C2CD5: variants seen among roughly 807,000 people sequenced by gnomAD.
C2CD5 encodes the protein C2 calcium dependent domain containing 5.
In C2CD5, 109 loss-of-function variants were observed where a neutral mutation model predicts 130.3. The observed-to-expected ratio is 0.84, with a 90% CI of 0.72 to 0.98. The LOEUF (loss-of-function observed/expected upper bound fraction) is 0.98, where lower values mean the gene tolerates loss of function less well. C2CD5 is among the 50% of genes least tolerant of loss of function. The pLI, the probability that C2CD5 is intolerant of heterozygous loss-of-function variation, is 0.00. For missense variants in C2CD5, 996 were observed against 1,261.8 expected, an observed-to-expected ratio of 0.79 and a Z score of 3.19; for synonymous variants, 454 against 429.2, an observed-to-expected ratio of 1.06 and a Z score of -0.71.
At chr12:22,486,038 G>C (rs961872411) in intron 12 of C2CD5, among the ~76,000 whole-genome samples, 2 of 151,952 alleles carry the variant, frequency 1.3e-5, no homozygotes, top group Non-Finnish European at 2.9e-5. Context: ...TTATACTTAA[G>C]TCCTGTTAAG....
chr12:22,524,735 T>C, intron 5 of C2CD5, 108 bp from the exon 6 acceptor site: 1 of 666,330 alleles, frequency 1.5e-6, no homozygotes. Flanking sequence ...CAAGAACATC[T>C]TTTACTGTAA....
At chr12:22,478,114 A>C in intron 15 of C2CD5, 199 bp downstream of exon 15, 2 of 548,306 alleles carry the variant, frequency 3.6e-6, no homozygotes, top group Non-Finnish European at 6.5e-6. Flanking sequence ...AAATGAAGTC[A>C]CAATTTTTAA....
chr12:22,543,096 A>C, intron 2 of C2CD5, among the ~76,000 whole-genome samples: 1 of 152,234 alleles, frequency 6.6e-6, no homozygotes, highest in East Asian at 1.9e-4. Flanking sequence ...TCGGTTAGAG[A>C]ACATTTAGGA....
intron 7 of C2CD5, among the ~76,000 whole-genome samples, chr12:22,521,716 T>C (rs1456390331): frequency 6.6e-6 from 1 of 152,238 alleles, no homozygotes; most frequent in Non-Finnish European, 1.5e-5. Flanking sequence ...TTATTTCATT[T>C]GCCAATGTGT....
At chr12:22,477,558 A>G (rs933468346) in intron 15 of C2CD5, among the ~76,000 whole-genome samples, 3 of 152,106 alleles carry the variant, frequency 2.0e-5, no homozygotes, top group Admixed American at 2.0e-4. Flanking sequence ...CATGTGCACA[A>G]TGTGCAGGTT....
intron 6 of C2CD5, 73 bp from the exon 7 acceptor site, chr12:22,523,697 G>T: frequency 5.2e-6 from 5 of 957,132 alleles, no homozygotes; most frequent in East Asian, 2.7e-5. Flanking sequence ...ACATGGTAGT[G>T]GTAAAAAAAA....
At chr12:22,490,400 T>C (rs989137537) in intron 11 of C2CD5, among the ~76,000 whole-genome samples, 182 bp from the exon 12 acceptor site, 3 of 152,144 alleles carry the variant, frequency 2.0e-5, no homozygotes, top group African/African-American at 7.2e-5. Flanking sequence ...GTAACTTTAT[T>C]TGAATGGAGG....
chr12:22,449,783 T>G lies in C2CD5; in HGVS notation c.3133A>C (p.Thr1045Pro), dbSNP rs1390454146. ...CCTCAGGTTGTAACTTCGCCTTCAG[T>G]ACATGATGACTGGCAGTTGGTAGTA... ...QPTTNCQSSC[T>P]EGEVTT The change falls in exon 27 of 27, where the codon ACT (threonine) becomes CCT (proline). Residue 1045 changes from threonine to proline, a missense_variant. This residue lies in a region of C2CD5 where 48 missense variants were observed against 46.4 expected (regional missense o/e 1.03). Transcript: ENST00000446597. 6.2e-7 allele frequency: 1 copy of G among 1,606,336 alleles called. No homozygotes were observed. The highest frequency in any genetic ancestry group is 8.5e-7 in the Non-Finnish European group (1 of 1,174,322).
chr12:22,536,575 T>C (rs959960552), intron 2 of C2CD5, among the ~76,000 whole-genome samples: 9 of 152,230 alleles, frequency 5.9e-5, no homozygotes, highest in South Asian at 4.2e-4. Flanking sequence ...CTAGAAGATA[T>C]TACACAATAA....
rs372211694 is a variant in C2CD5, at chr12:22,457,069, T to C, written c.2779A>G (p.Lys927Glu). 3.0e-5 allele frequency: 49 copies of C among 1,612,474 alleles called. No homozygotes were observed. Among genetic ancestry groups the C allele is most frequent in the Non-Finnish European group, 3.9e-5 (46 of 1,178,960 alleles). ...GGAATAAAAGAAAGAGGTGTCATCT[T>C]AACAACCCCAACTGTGGAATTTGCA... The part of the protein sequence containing the change: ...PCANSTVGVV[K>E]MTPLSFIPGA... The change falls in exon 25 of 27, where the codon AAG becomes GAG. Residue 927 changes from lysine (K) to glutamate (E), a missense_variant. Lys to Glu is a moderately conservative substitution (Grantham distance 56). This residue lies in a region of C2CD5 where 590 missense variants were observed against 631.4 expected (regional missense o/e 0.93). Coordinates refer to ENST00000446597, the MANE Select transcript of C2CD5 (RefSeq NM_001286176.2).
intron 2 of C2CD5, among the ~76,000 whole-genome samples, chr12:22,536,786 C>T (rs888688762): frequency 3.3e-5 from 5 of 151,854 alleles, no homozygotes; most frequent in Admixed American, 1.3e-4. Flanking sequence ...AAGGGGTTTT[C>T]GAGTTATATT....
chr12:22,526,484 ATCCC>A (rs1950728035), intron 4 of C2CD5, among the ~76,000 whole-genome samples: 1 of 152,246 alleles, frequency 6.6e-6, no homozygotes, highest in African/African-American at 2.4e-5. Flanking sequence ...GATCTTTATG[ATCCC>A]AGATTATATA....
intron 15 of C2CD5, 121 bp from the exon 16 acceptor site, chr12:22,475,012 G>T: frequency 1.7e-6 from 1 of 571,530 alleles, no homozygotes; most frequent in Non-Finnish European, 2.8e-6. Context: ...ACTCAGTGAA[G>T]TCCGTACTTA....
chr12:22,460,527 A>C (rs977203289), intron 22 of C2CD5: 12 of 152,144 alleles, frequency 7.9e-5, no homozygotes, highest in Non-Finnish European at 1.6e-4. Flanking sequence ...CTACCATAGA[A>C]TGTTGCTGCT....
rs1419354109 is a variant in C2CD5, at chr12:22,482,317, TAAGC to T, written c.1737+236_1737+239del. On this transcript the variant is annotated intron_variant, in intron 14 of 26. Transcript: ENST00000446597. ...TCCAGAAAAACTGTGGCCAACTTAT[TAAGC>T]AAGCGACAAATGATAATTTTTAGAA... 2.6e-5 allele frequency among the ~76,000 whole-genome samples: 4 copies of T among 152,290 alleles called. No homozygotes were observed. The South Asian group carries it at 8.3e-4, about 32-fold the overall frequency.
At chr12:22,498,687 T>C (rs1214660188) in intron 10 of C2CD5, among the ~76,000 whole-genome samples, 3 of 152,172 alleles carry the variant, frequency 2.0e-5, no homozygotes, top group Non-Finnish European at 2.9e-5. Context: ...AAGTATAATA[T>C]GTCCTAAGAT....
chr12:22,539,998 A>C (rs1273369026), intron 2 of C2CD5, among the ~76,000 whole-genome samples: 3 of 151,932 alleles, frequency 2.0e-5, no homozygotes, highest in Admixed American at 2.0e-4. Flanking sequence ...GTCTCAAAAA[A>C]AAAAAAAAAA....
chr12:22,525,124 G>C (rs1035600079), intron 5 of C2CD5, among the ~76,000 whole-genome samples: 2 of 152,164 alleles, frequency 1.3e-5, no homozygotes, highest in Admixed American at 1.3e-4. Context: ...AAAGGAGAGA[G>C]AGAACCTGAA....
At chr12:22,514,880 C>T (rs1298497093) in intron 8 of C2CD5, 1 of 507,082 alleles carries the variant, frequency 2.0e-6, no homozygotes, top group Non-Finnish European at 2.5e-6. Flanking sequence ...AATAGAAAGG[C>T]ATCTTGTATA....
Sources: gnomAD v4.1 joint callset for allele counts (sites outside exome capture counted in the v4.1 genomes callset) on GRCh38, gnomAD v4.1.1 for gene constraint, gnomAD v4.1.1 regional missense constraint, MANE v1.5 for transcripts, NCBI Gene and HGNC (gene_info 2026-07-23, HGNC 2026-07-21) for gene names.